The following RIMS2 variants were observed in gnomAD, a reference collection of about 807,000 sequenced individuals.
The protein encoded by RIMS2 is regulating synaptic membrane exocytosis 2.
Under a neutral mutation model 174.4 loss-of-function variants are expected in RIMS2, and 59 were observed. That is an observed-to-expected ratio of 0.34 (90% CI 0.27 to 0.42). The LOEUF (loss-of-function observed/expected upper bound fraction) is 0.42. Ranked by LOEUF, RIMS2 falls within the 10% of genes least tolerant of loss-of-function variation. The probability of loss-of-function intolerance (pLI) is 1.00; values close to 1 mark genes in which losing one functional copy is unlikely to be tolerated. For synonymous variants in RIMS2, 606 were observed against 572.5 expected (o/e 1.06, Z -0.84); for missense variants, 1,620 against 1,666.3 (o/e 0.97, Z 0.48).
At chr8:104,099,861 G>C (rs922466068) in intron 19 of RIMS2, among the ~76,000 whole-genome samples, 1 of 150,562 alleles carries the variant, frequency 6.6e-6, no homozygotes, top group Admixed American at 6.6e-5. Flanking sequence ...GTGTTGCCCA[G>C]GCTGGAGTAC....
chr8:103,514,700 T>A (rs891288945), intron 1 of RIMS2, among the ~76,000 whole-genome samples: 2 of 152,156 alleles, frequency 1.3e-5, no homozygotes, highest in Admixed American at 6.5e-5. Context: ...TTCCTGTTGG[T>A]CACCATTGAC....
intron 19 of RIMS2, among the ~76,000 whole-genome samples, chr8:104,112,915 A>G (rs1242580889): frequency 1.3e-5 from 2 of 152,226 alleles, no homozygotes; most frequent in Non-Finnish European, 2.9e-5. Context: ...AGATAATTCT[A>G]AAAATCAAAT....
chr8:103,582,910 C>T (rs1163625545), intron 1 of RIMS2, among the ~76,000 whole-genome samples: 1 of 152,216 alleles, frequency 6.6e-6, no homozygotes, highest in Non-Finnish European at 1.5e-5. Flanking sequence ...TTGCCACCTG[C>T]TTATTGTAGA....
rs189811986 is a variant in RIMS2, at chr8:104,037,257, C to G, written c.3334+22642C>G. ...TTTTTGAAAGGTATCTCTCCTTCCC[C>G]CAAAGGAAACATTCTAAGACTCTGT... On this transcript the variant is annotated intron_variant, in intron 19 of 23. Transcript: ENST00000504942. 2.4e-3 allele frequency among the ~76,000 whole-genome samples: 368 copies of G among 152,198 alleles called. 1 individual carries two copies. Among genetic ancestry groups the G allele is most frequent in the Non-Finnish European group, 4.0e-3 (269 of 67,986 alleles).
At chr8:103,829,223 A>T (rs1273676900) in intron 3 of RIMS2, among the ~76,000 whole-genome samples, 2 of 151,994 alleles carry the variant, frequency 1.3e-5, no homozygotes, top group East Asian at 3.9e-4. Flanking sequence ...AATGGCTATT[A>T]TTAAAAAGTC....
At chr8:103,604,073 C>G (rs982844515) in intron 1 of RIMS2, among the ~76,000 whole-genome samples, 1 of 149,324 alleles carries the variant, frequency 6.7e-6, no homozygotes, top group Non-Finnish European at 1.5e-5. Flanking sequence ...AGTCCTTGCC[C>G]ATGCCTATGT....
intron 1 of RIMS2, among the ~76,000 whole-genome samples, chr8:103,588,993 T>G (rs2094117898): frequency 6.6e-6 from 1 of 151,624 alleles, no homozygotes. Context: ...TGGGAGAAAA[T>G]ATTTGCAAAC....
chr8:104,133,106 C>A (rs1344068), intron 19 of RIMS2, among the ~76,000 whole-genome samples: 43,617 of 152,068 alleles, frequency 0.29, 7,308 homozygotes, highest in East Asian at 0.78. Context: ...CAAATACTAG[C>A]AATGAAACCT....
chr8:104,194,051 T>A (rs901925626), intron 19 of RIMS2, among the ~76,000 whole-genome samples: 8 of 152,202 alleles, frequency 5.3e-5, no homozygotes, highest in Admixed American at 2.0e-4. Flanking sequence ...GCCAAAGATC[T>A]TCAAATGGTC....
At chr8:103,856,509 A>G (rs997184506) in intron 3 of RIMS2, among the ~76,000 whole-genome samples, 4 of 152,346 alleles carry the variant, frequency 2.6e-5, no homozygotes, top group Non-Finnish European at 5.9e-5. Flanking sequence ...TGTCTGCTAC[A>G]CTAAATTGAT....
At chr8:103,833,539 C>T (rs2098838975) in intron 3 of RIMS2, among the ~76,000 whole-genome samples, 1 of 151,760 alleles carries the variant, frequency 6.6e-6, no homozygotes, top group South Asian at 2.1e-4. Context: ...TAGATTATCC[C>T]ATCGGTTCTT....
intron 1 of RIMS2, among the ~76,000 whole-genome samples, chr8:103,552,410 A>T (rs1206597408): frequency 6.6e-6 from 1 of 152,218 alleles, no homozygotes; most frequent in African/African-American, 2.4e-5. Context: ...AGAAAGCTGA[A>T]ATTGGATCCC....
At chr8:103,959,065 A>G (rs976368105) in intron 14 of RIMS2, among the ~76,000 whole-genome samples, 1 of 152,192 alleles carries the variant, frequency 6.6e-6, no homozygotes, top group Non-Finnish European at 1.5e-5. Context: ...CCATCTACAG[A>G]AGCAACTGCA....
chr8:104,096,496 A>G (rs2097764845), intron 19 of RIMS2, among the ~76,000 whole-genome samples: 1 of 152,212 alleles, frequency 6.6e-6, no homozygotes, highest in South Asian at 2.1e-4. Context: ...GGAACTGTAA[A>G]CTAGAGGAGG....
intron 19 of RIMS2, among the ~76,000 whole-genome samples, chr8:104,240,828 T>C (rs1478956613): frequency 6.6e-6 from 1 of 152,148 alleles, no homozygotes; most frequent in Non-Finnish European, 1.5e-5. Flanking sequence ...CTGTATCTGG[T>C]AATAATAACA....
chr8:103,550,152 C>T (rs1047993443), intron 1 of RIMS2, among the ~76,000 whole-genome samples: 2 of 152,206 alleles, frequency 1.3e-5, no homozygotes, highest in Non-Finnish European at 2.9e-5. Context: ...ACAGAATATA[C>T]ATTCTTCTCA....
chr8:103,895,483 A>C (rs2099272432), intron 4 of RIMS2, among the ~76,000 whole-genome samples: 3 of 151,396 alleles, frequency 2.0e-5, no homozygotes, highest in Admixed American at 2.0e-4. Flanking sequence ...CTTCTTATAA[A>C]GGTACTAATT....
intron 2 of RIMS2, among the ~76,000 whole-genome samples, chr8:103,711,868 C>T (rs1406816224): frequency 6.6e-6 from 1 of 151,292 alleles, no homozygotes; most frequent in African/African-American, 2.4e-5. Flanking sequence ...TGCACTCCAG[C>T]CTAAGCAACA....
chr8:103,911,120 T>A lies in RIMS2; in HGVS notation c.1692+919T>A, dbSNP rs188292613. Among the ~76,000 whole-genome samples, 687 of 152,308 alleles carry A rather than the reference T, an allele frequency of 4.5e-3. 3 individuals carry two copies. The highest frequency in any genetic ancestry group is 7.3e-3 in the Non-Finnish European group (496 of 68,008). On this transcript the variant is annotated intron_variant, in intron 5 of 23. Transcript: ENST00000504942. The stretch of plus-strand genomic sequence containing the variant: ...TCTTAGGATAGTGGGACTTTTGATA[T>A]CTTTTTACAATATAGATGTAATTGA...
Sources: allele counts gnomAD v4.1 joint callset (sites outside exome capture counted in the v4.1 genomes callset), GRCh38; gene constraint gnomAD v4.1.1; transcripts MANE v1.5; gene names NCBI Gene and HGNC (gene_info 2026-07-23, HGNC 2026-07-21).